The following NALF1 variants were observed in gnomAD, a reference collection of about 807,000 sequenced individuals.
The protein encoded by NALF1 is family with sequence similarity 155 member A.
NALF1 carries 3 observed loss-of-function variants against 48.4 expected under a neutral mutation model. That is an observed-to-expected ratio of 0.06 (90% confidence interval 0.03 to 0.16). The LOEUF is 0.16. Among genes scored for constraint, NALF1 ranks in the 10% least tolerant of loss-of-function variants. The pLI is 1.00. For missense variants in NALF1, 526 were observed against 571.5 expected (o/e 0.92, Z 0.81); for synonymous variants, 262 against 245.7 (o/e 1.07, Z -0.62).
At chr13:107,754,657 T>A (rs1402356726) in intron 1 of NALF1, among the ~76,000 whole-genome samples, 2 of 152,068 alleles carry the variant, frequency 1.3e-5, no homozygotes, top group Non-Finnish European at 2.9e-5. Flanking sequence ...TGCAAGGAAG[T>A]AGAGAGCATT....
At chr13:107,525,198 T>C (rs982280484) in intron 1 of NALF1, among the ~76,000 whole-genome samples, 1 of 152,114 alleles carries the variant, frequency 6.6e-6, no homozygotes, top group South Asian at 2.1e-4. Flanking sequence ...GAGATTTCTG[T>C]AACTACCACC....
At chr13:107,562,827 A>T (rs1877686885) in intron 1 of NALF1, among the ~76,000 whole-genome samples, 1 of 152,198 alleles carries the variant, frequency 6.6e-6, no homozygotes, top group African/African-American at 2.4e-5. Context: ...AGTGAGTGCT[A>T]TGAGTGCTCT....
intron 1 of NALF1, among the ~76,000 whole-genome samples, chr13:107,426,468 G>T (rs972267485): frequency 5.3e-5 from 8 of 152,182 alleles, no homozygotes; most frequent in Non-Finnish European, 4.4e-5. Context: ...TGCTGTTAGA[G>T]GCCGTGAGAT....
intron 1 of NALF1, among the ~76,000 whole-genome samples, chr13:107,721,581 G>A (rs1249706329): frequency 6.6e-6 from 1 of 152,194 alleles, no homozygotes; most frequent in African/African-American, 2.4e-5. Flanking sequence ...CACGCTGCAG[G>A]AAATTGCAGG....
intron 1 of NALF1, among the ~76,000 whole-genome samples, chr13:107,534,958 T>C (rs1170122808): frequency 6.6e-6 from 1 of 152,168 alleles, no homozygotes; most frequent in African/African-American, 2.4e-5. Context: ...CTTTTAAGCA[T>C]CCAGATCAGC....
intron 1 of NALF1, among the ~76,000 whole-genome samples, chr13:107,289,690 G>T (rs995925404): frequency 6.6e-6 from 1 of 152,096 alleles, no homozygotes; most frequent in Non-Finnish European, 1.5e-5. Flanking sequence ...TGAAATCCAC[G>T]AGTCTCCATC....
At chr13:107,227,863 A>G (rs549904680) in intron 1 of NALF1, among the ~76,000 whole-genome samples, 37 of 152,374 alleles carry the variant, frequency 2.4e-4, no homozygotes, top group African/African-American at 8.4e-4. Flanking sequence ...AACTATATAC[A>G]TATCAGAAAA....
chr13:107,771,516 A>G (rs1186825669), intron 1 of NALF1, among the ~76,000 whole-genome samples: 3 of 149,190 alleles, frequency 2.0e-5, no homozygotes, highest in African/African-American at 7.3e-5. Context: ...AATATGTAAT[A>G]TAGTATAATA....
rs1156437689 is a variant in NALF1, at chr13:107,170,378, C to G, written c.*119G>C. The G allele has an allele frequency of 5.2e-6, 5 of 952,888 alleles. No homozygotes were observed. Among genetic ancestry groups the G allele is most frequent in the Non-Finnish European group, 7.7e-6 (5 of 648,348 alleles). 59.0% of individuals were successfully genotyped at this position (952,888 alleles called of 1,614,324 possible). A position where few individuals can be genotyped will look rare whatever the true frequency, so the allele number is the denominator to read the frequency against. On this transcript the variant is annotated 3_prime_UTR_variant, in exon 3 of 3. Transcript: ENST00000375915. ...TCAGGCCCATCTGTTTAAATTTTACCCTAAAGGCCTTGCAATAAGTAATTC... is the reference window on the plus strand; with the variant it reads ...TCAGGCCCATCTGTTTAAATTTTACGCTAAAGGCCTTGCAATAAGTAATTC...
intron 1 of NALF1, among the ~76,000 whole-genome samples, chr13:107,265,688 G>A (rs1369859791): frequency 2.0e-5 from 3 of 152,074 alleles, no homozygotes; most frequent in African/African-American, 7.2e-5. Flanking sequence ...TCACAGCCAT[G>A]AGCCACCATG....
intron 1 of NALF1, among the ~76,000 whole-genome samples, chr13:107,584,997 T>A (rs1878413238): frequency 6.6e-6 from 1 of 152,156 alleles, no homozygotes; most frequent in African/African-American, 2.4e-5. Context: ...CACAGAAAGA[T>A]AAAGTAATCG....
intron 1 of NALF1, among the ~76,000 whole-genome samples, chr13:107,739,744 G>A (rs527401780): frequency 3.7e-4 from 57 of 152,136 alleles, no homozygotes; most frequent in Non-Finnish European, 7.2e-4. Flanking sequence ...GTGAGCGAGC[G>A]GAACTTCATC....
intron 1 of NALF1, among the ~76,000 whole-genome samples, chr13:107,435,371 G>A (rs2139021116): frequency 1.3e-5 from 2 of 152,122 alleles, no homozygotes; most frequent in South Asian, 4.2e-4. Context: ...AATGACGTCA[G>A]CGTCAGCAGA....
intron 1 of NALF1, among the ~76,000 whole-genome samples, chr13:107,541,210 C>A (rs1332328157): frequency 6.6e-6 from 1 of 152,034 alleles, no homozygotes; most frequent in Admixed American, 6.6e-5. Flanking sequence ...TTTGAAAACA[C>A]ATTTTTGTTA....
chr13:107,844,251 C>G (rs1880114860), intron 1 of NALF1, among the ~76,000 whole-genome samples: 1 of 151,516 alleles, frequency 6.6e-6, no homozygotes, highest in Non-Finnish European at 1.5e-5. Context: ...ATAAGAAAAT[C>G]TAAAAAAATC....
intron 1 of NALF1, among the ~76,000 whole-genome samples, chr13:107,773,097 A>G (rs1357906948): frequency 1.3e-5 from 2 of 152,210 alleles, no homozygotes; most frequent in African/African-American, 2.4e-5. Flanking sequence ...AAGAAGCTCA[A>G]TGTCATTAAG....
chr13:107,175,082 G>T (rs1878896573), intron 2 of NALF1, among the ~76,000 whole-genome samples: 1 of 120,414 alleles, frequency 8.3e-6, no homozygotes, highest in African/African-American at 3.4e-5. Context: ...GTAGAGACGG[G>T]GTTTCATCGT....
At chr13:107,286,868 T>C (rs1445614543) in intron 1 of NALF1, among the ~76,000 whole-genome samples, 1 of 152,172 alleles carries the variant, frequency 6.6e-6, no homozygotes, top group Non-Finnish European at 1.5e-5. Flanking sequence ...GGATAGAGAA[T>C]GCATATTGAT....
At chr13:107,500,351 C>T (rs1251314456) in intron 1 of NALF1, among the ~76,000 whole-genome samples, 4 of 152,118 alleles carry the variant, frequency 2.6e-5, no homozygotes, top group African/African-American at 7.2e-5. Context: ...TTGGTCTCTG[C>T]TTTTAAGATA....
Sources: allele counts gnomAD v4.1 joint callset (sites outside exome capture counted in the v4.1 genomes callset), GRCh38; gene constraint gnomAD v4.1.1; transcripts MANE v1.5; gene names NCBI Gene and HGNC (gene_info 2026-07-23, HGNC 2026-07-21).